SREK1IP1: variants seen among roughly 807,000 people sequenced by gnomAD.
SREK1IP1 encodes the protein SREK1 interacting protein 1, also known as protein SREK1IP1.
A neutral mutation model predicts 22.8 loss-of-function variants in SREK1IP1; 12 were observed. The observed-to-expected ratio is 0.53, with a 90% CI of 0.34 to 0.85. The LOEUF is 0.85. Among genes scored for constraint, SREK1IP1 ranks in the 40% least tolerant of loss-of-function variants. SREK1IP1 has a pLI of 0.02. For synonymous variants in SREK1IP1, 53 were observed against 52.7 expected (o/e 1.01, Z -0.02); for missense variants, 147 against 171.8 (o/e 0.86, Z 0.81).
intron 3 of SREK1IP1, among the ~76,000 whole-genome samples, chr5:64,735,375 G>A (rs1416719436): frequency 6.6e-6 from 1 of 151,812 alleles, no homozygotes; most frequent in African/African-American, 2.4e-5. Context: ...TGTTATAAGG[G>A]TAATGCTGGT....
intron 1 of SREK1IP1, among the ~76,000 whole-genome samples, chr5:64,758,520 G>A (rs949626410): frequency 6.6e-6 from 1 of 152,178 alleles, no homozygotes; most frequent in Non-Finnish European, 1.5e-5. Flanking sequence ...AATATAATCT[G>A]AGGGTCTTTC....
At chr5:64,750,294 T>C (rs1342698788) in intron 2 of SREK1IP1, among the ~76,000 whole-genome samples, 1 of 152,252 alleles carries the variant, frequency 6.6e-6, no homozygotes, top group Non-Finnish European at 1.5e-5. Flanking sequence ...AGATCTGTTT[T>C]TGATTCTCAT....
intron 1 of SREK1IP1, among the ~76,000 whole-genome samples, chr5:64,766,072 C>A (rs1743028197): frequency 6.6e-6 from 1 of 152,200 alleles, no homozygotes; most frequent in African/African-American, 2.4e-5. Flanking sequence ...CACAGACCTT[C>A]CCTTCACATT....
intron 2 of SREK1IP1, among the ~76,000 whole-genome samples, chr5:64,742,149 TAACAG>T (rs1263486578): frequency 2.6e-5 from 4 of 151,442 alleles, no homozygotes; most frequent in African/African-American, 9.8e-5. Context: ...TATGTTAACA[TAACAG>T]GTGTAATTTG....
chr5:64,727,576 G>T (rs1742298336), intron 4 of SREK1IP1: 1 of 135,328 alleles, frequency 7.4e-6, no homozygotes, highest in Admixed American at 7.0e-5. Flanking sequence ...TGGTGGGCGG[G>T]GGGCAGATAG....
At position 64,767,982 on chromosome 5, in the gene SREK1IP1, C is replaced by A. The variant is rs146268688; in HGVS notation, c.13+523G>T. ...ATCTTATATATAATTCAACAAAGCT[C>A]CTTCTTTTTATAAGGAAACTGAGGC... On this transcript the variant is annotated intron_variant, in intron 1 of 4. Coordinates refer to ENST00000513458, the MANE Select transcript of SREK1IP1 (RefSeq NM_173829.4). Among the ~76,000 whole-genome samples, 16 of 152,230 alleles carry A rather than the reference C, an allele frequency of 1.1e-4. No individual in the cohort carries two copies. The East Asian group carries it at 2.5e-3, about 24-fold the overall frequency.
At chr5:64,749,400 C>G (rs183254541) in intron 2 of SREK1IP1, among the ~76,000 whole-genome samples, 2 of 151,978 alleles carry the variant, frequency 1.3e-5, no homozygotes, top group Non-Finnish European at 2.9e-5. Context: ...CCTAAAAATG[C>G]CGGCCTCTTC....
chr5:64,730,971 A>T (rs1330853585), intron 3 of SREK1IP1, among the ~76,000 whole-genome samples: 1 of 152,194 alleles, frequency 6.6e-6, no homozygotes, highest in Non-Finnish European at 1.5e-5. Context: ...TAAGCTAGAT[A>T]AGGGGAAGAC....
intron 1 of SREK1IP1, among the ~76,000 whole-genome samples, chr5:64,759,715 G>A (rs113380867): frequency 6.6e-6 from 1 of 152,028 alleles, no homozygotes; most frequent in East Asian, 1.9e-4. Flanking sequence ...TCACAGAAAC[G>A]GAAATAGAAA....
chr5:64,744,206 A>G (rs895454580), intron 2 of SREK1IP1, among the ~76,000 whole-genome samples: 1 of 152,122 alleles, frequency 6.6e-6, no homozygotes, highest in Non-Finnish European at 1.5e-5. Context: ...AAGCGCAGGT[A>G]GGGCACCATG....
chr5:64,735,575 T>G (rs1197805762), intron 3 of SREK1IP1, among the ~76,000 whole-genome samples: 1 of 152,140 alleles, frequency 6.6e-6, no homozygotes, highest in African/African-American at 2.4e-5. Flanking sequence ...TTAGATTTCT[T>G]CTTCAAACTT....
At chr5:64,747,349 C>G (rs1045409331) in intron 2 of SREK1IP1, among the ~76,000 whole-genome samples, 1 of 152,056 alleles carries the variant, frequency 6.6e-6, no homozygotes, top group Non-Finnish European at 1.5e-5. Context: ...TATCTAGGAG[C>G]CTCCCAAGAA....
intron 1 of SREK1IP1, chr5:64,764,927 T>A (rs1386457950): frequency 6.6e-6 from 1 of 152,258 alleles, no homozygotes; most frequent in Non-Finnish European, 1.5e-5. Context: ...TTATTCACTG[T>A]GATGTGCCAG....
chr5:64,740,043 T>C (rs1474780929), intron 3 of SREK1IP1, among the ~76,000 whole-genome samples: 1 of 152,182 alleles, frequency 6.6e-6, no homozygotes, highest in Non-Finnish European at 1.5e-5. Context: ...CCATAGTGCA[T>C]TTTGTAGTTT....
chr5:64,718,328 A>C lies in SREK1IP1; in HGVS notation c.*6056T>G, dbSNP rs1333375419. ...AGTCCTATCTCAGTGAAGAACAGTG[A>C]GAAGTTTATGTCACATTACCAGCAT... is the stretch of plus-strand genomic sequence containing the variant. On this transcript the variant is annotated 3_prime_UTR_variant, in exon 5 of 5. Coordinates refer to ENST00000513458, the MANE Select transcript of SREK1IP1 (RefSeq NM_173829.4). 1 of 209,528 alleles carries C rather than the reference A, an allele frequency of 4.8e-6. No homozygotes were observed. The highest frequency in any genetic ancestry group is 2.3e-5 in the African/African-American group (1 of 42,946). The allele number at this position is 209,528 out of a possible 1,614,324, so 13.0% of individuals were successfully genotyped here.
intron 2 of SREK1IP1, among the ~76,000 whole-genome samples, chr5:64,746,645 T>C (rs1742643242): frequency 6.6e-6 from 1 of 152,190 alleles, no homozygotes; most frequent in Non-Finnish European, 1.5e-5. Context: ...TACCACTTCA[T>C]ACCTATGAGG....
At chr5:64,764,357 A>C (rs1422088767) in intron 1 of SREK1IP1, among the ~76,000 whole-genome samples, 2 of 152,194 alleles carry the variant, frequency 1.3e-5, no homozygotes, top group East Asian at 3.9e-4. Context: ...GTGGCAGGGA[A>C]GAGTTTCAGC....
At chr5:64,761,708 T>C (rs115627023) in intron 1 of SREK1IP1, among the ~76,000 whole-genome samples, 174 of 152,348 alleles carry the variant, frequency 1.1e-3, no homozygotes, top group African/African-American at 3.8e-3. Context: ...ATGACTATAC[T>C]TCAGAAGTTG....
chr5:64,764,149 C>A (rs2112118927), intron 1 of SREK1IP1, among the ~76,000 whole-genome samples: 1 of 151,582 alleles, frequency 6.6e-6, no homozygotes, highest in East Asian at 1.9e-4. Flanking sequence ...AAAAAAAAAT[C>A]ACAAAAAAAC....
Sources: allele counts gnomAD v4.1 joint callset (sites outside exome capture counted in the v4.1 genomes callset), GRCh38; gene constraint gnomAD v4.1.1; transcripts MANE v1.5; gene names NCBI Gene and HGNC (gene_info 2026-07-23, HGNC 2026-07-21).